Variants in PCDHGA3 observed in about 807,000 individuals in gnomAD.
PCDHGA3 encodes the protein protocadherin gamma subfamily A, 3.
PCDHGA3 carries 40 observed loss-of-function variants against 58.5 expected under a neutral mutation model. The ratio of observed to expected loss-of-function variants is 0.68; its 90% confidence interval spans 0.53 to 0.89. The LOEUF (loss-of-function observed/expected upper bound fraction) is 0.89. Ranked by LOEUF, PCDHGA3 falls within the 40% of genes least tolerant of loss-of-function variation. PCDHGA3 has a pLI of 0.00. For synonymous variants in PCDHGA3, 530 were observed against 525.7 expected, an observed-to-expected ratio of 1.01 and a Z score of -0.11; for missense variants, 1,223 against 1,195.9, an observed-to-expected ratio of 1.02 and a Z score of -0.33.
At chr5:141,351,170 G>T (rs369227522) in intron 1 of PCDHGA3, 11 of 1,614,038 alleles carry the variant, frequency 6.8e-6, no homozygotes, top group Non-Finnish European at 9.3e-6. Flanking sequence ...TGGCACATTG[G>T]ATTTTGAAGA....
At chr5:141,408,280 C>T in intron 1 of PCDHGA3, 1 of 1,612,648 alleles carries the variant, frequency 6.2e-7, no homozygotes, top group Non-Finnish European at 8.5e-7. Flanking sequence ...CTTTGTTCTA[C>T]CCCACCCTGA....
chr5:141,453,784 G>T (rs767312144), intron 1 of PCDHGA3, among the ~76,000 whole-genome samples: 47 of 152,298 alleles, frequency 3.1e-4, no homozygotes, highest in Non-Finnish European at 5.6e-4. Flanking sequence ...AGTTACCATG[G>T]TATATTAACT....
At chr5:141,475,059 G>T (rs2099358742) in intron 1 of PCDHGA3, among the ~76,000 whole-genome samples, 1 of 152,180 alleles carries the variant, frequency 6.6e-6, no homozygotes, top group South Asian at 2.1e-4. Flanking sequence ...AAAGATTTGT[G>T]GAGCTTTGCT....
intron 1 of PCDHGA3, chr5:141,419,582 T>A (rs1474193256): frequency 6.2e-7 from 1 of 1,611,894 alleles, no homozygotes. Context: ...CTCCGCGCTC[T>A]TCGACACAGT....
intron 1 of PCDHGA3, chr5:141,416,406 T>C (rs2096021956): frequency 6.6e-6 from 1 of 152,224 alleles, no homozygotes; most frequent in Non-Finnish European, 1.5e-5. Flanking sequence ...TTGTCTTTTT[T>C]GTTAAATTTT....
Position 141,490,070 on chromosome 5 carries a change from T to C in PCDHGA3, c.2425-4737T>C, listed in dbSNP as rs2099695766. ...CCAGACGAGGGCACCAACGGCCAAC[T>C]AGACTATTCTTTTGGAGACCACACA... On this transcript the variant is annotated intron_variant, in intron 1 of 3. Transcript: ENST00000253812. The surrounding 1 kb of genome is among the most constrained non-coding windows in gnomAD (Gnocchi z 5.4). The C allele has an allele frequency of 6.2e-7, 1 of 1,614,198 alleles. No individual in the cohort carries two copies.
chr5:141,376,111 C>A, intron 1 of PCDHGA3: 1 of 1,613,822 alleles, frequency 6.2e-7, no homozygotes, highest in Non-Finnish European at 8.5e-7. Flanking sequence ...CCGACCTGGG[C>A]AGCCTCGAGC....
chr5:141,490,454 CG>C lies in PCDHGA3; in HGVS notation c.2425-4352del. ...ATTAAGCCTTCTGAGAACCACTACT[CG>C]CTGCTAACCAGCCAGCCTTTGGACC... On this transcript the variant is annotated intron_variant, in intron 1 of 3. Coordinates refer to ENST00000253812, the MANE Select transcript of PCDHGA3 (RefSeq NM_018916.4). This position sits in a 1 kb window ranked among gnomAD's most constrained non-coding sequence, Gnocchi z 5.4. The C allele has an allele frequency of 1.2e-6, 2 of 1,614,176 alleles. No individual in the cohort carries two copies. Among genetic ancestry groups the C allele is most frequent in the Non-Finnish European group, 1.7e-6 (2 of 1,180,020 alleles).
At chr5:141,408,851 G>A in intron 1 of PCDHGA3, 1 of 1,613,574 alleles carries the variant, frequency 6.2e-7, no homozygotes, top group Non-Finnish European at 8.5e-7. Context: ...TGCCTTGGAC[G>A]GAGGGGACCC....
rs1441582051 is a variant in PCDHGA3, at chr5:141,487,416, G to A, written c.2425-7391G>A. 1 of 1,614,088 alleles carries A rather than the reference G, an allele frequency of 6.2e-7. No individual in the cohort carries two copies. Among genetic ancestry groups the A allele is most frequent in the Admixed American group, 1.7e-5 (1 of 60,024 alleles). On this transcript the variant is annotated intron_variant, in intron 1 of 3. Coordinates refer to ENST00000253812, the MANE Select transcript of PCDHGA3 (RefSeq NM_018916.4). The surrounding 1 kb of genome is among the most constrained non-coding windows in gnomAD (Gnocchi z 5.0). ...AGGGAGGGGCTTCCCCCTTCCAATGGGATCCTCCGAATCCAGCTAGGGTCA... is the reference window on the plus strand; with the variant it reads ...AGGGAGGGGCTTCCCCCTTCCAATGAGATCCTCCGAATCCAGCTAGGGTCA...
intron 1 of PCDHGA3, chr5:141,419,330 C>T: frequency 1.2e-6 from 2 of 1,613,956 alleles, no homozygotes; most frequent in South Asian, 1.1e-5. Flanking sequence ...CTCCTACTCT[C>T]TCATTGCCAG....
chr5:141,414,741 A>C, intron 1 of PCDHGA3: 1 of 1,614,158 alleles, frequency 6.2e-7, no homozygotes. Flanking sequence ...ATGCACTCAG[A>C]TCCTTCGACT....
At position 141,450,051 on chromosome 5, in the gene PCDHGA3, G is replaced by C. The variant is rs576363410; in HGVS notation, c.2425-44756G>C. ...AGACAGGGTCTCACTCTTTCGCCCA[G>C]GCTGGAATGCAGTGGTATGATCTTG... On this transcript the variant is annotated intron_variant, in intron 1 of 3. Coordinates refer to ENST00000253812, the MANE Select transcript of PCDHGA3 (RefSeq NM_018916.4). Among the ~76,000 whole-genome samples, 362 of 139,654 alleles carry C rather than the reference G, an allele frequency of 2.6e-3. 1 individual carries two copies. Among genetic ancestry groups the C allele is most frequent in the South Asian group, 5.5e-3 (25 of 4,506 alleles). 91.6% of individuals were successfully genotyped at this position (139,654 alleles called of 152,430 possible). A position where few individuals can be genotyped will look rare whatever the true frequency, so the allele number is the denominator to read the frequency against.
rs1004554278 is a variant in PCDHGA3, at chr5:141,344,748, C to T, written c.715C>T (p.Pro239Ser). Reference sequence around the variant, plus strand: ...GATAGTCCTGGATGCAAATGACAACCCACCAATGTTTACTCAGCCTGAGTA... The same window carrying T: ...GATAGTCCTGGATGCAAATGACAACTCACCAATGTTTACTCAGCCTGAGTA... ...QVIVLDANDN[P>S]PMFTQPEYRV... The change falls in exon 1 of 4, where the codon CCA becomes TCA. Residue 239 changes from proline (P) to serine (S), a missense_variant. Coordinates refer to ENST00000253812, the MANE Select transcript of PCDHGA3 (RefSeq NM_018916.4). The T allele has an allele frequency of 1.2e-6, 2 of 1,613,884 alleles. No individual in the cohort carries two copies. Among genetic ancestry groups the T allele is most frequent in the African/African-American group, 2.7e-5 (2 of 74,912 alleles).
chr5:141,410,710 CAT>C lies in PCDHGA3; in HGVS notation c.2424+64256_2424+64257del, dbSNP rs140431021. 1.9e-3 allele frequency: 2,785 copies of C among 1,444,504 alleles called. 45 individuals are homozygous for C. In the African/African-American group the frequency reaches 0.033, roughly 17 times the overall value. The allele number at this position is 1,444,504 out of a possible 1,614,324, so 89.5% of individuals were successfully genotyped here. On this transcript the variant is annotated intron_variant, in intron 1 of 3. Coordinates refer to ENST00000253812, the MANE Select transcript of PCDHGA3 (RefSeq NM_018916.4). ...ACTACTTTATTTTCATATCTAGAATCATATGTTTAAAATCCATAGCTTTTTAC... is the reference window on the plus strand; with the variant it reads ...ACTACTTTATTTTCATATCTAGAATCATGTTTAAAATCCATAGCTTTTTAC...
intron 1 of PCDHGA3, chr5:141,355,210 C>T (rs766513071): frequency 1.9e-6 from 3 of 1,599,774 alleles, no homozygotes; most frequent in Non-Finnish European, 2.6e-6. Flanking sequence ...AATGGCGGCG[C>T]CTCCTGCTCG....
chr5:141,431,776 C>T lies in PCDHGA3; in HGVS notation c.2425-63031C>T. 6.2e-7 allele frequency: 1 copy of T among 1,614,228 alleles called. No individual in the cohort carries two copies. The stretch of plus-strand genomic sequence containing the variant: ...CCAAAGTCCTGATCACTGTTCTGGA[C>T]GTGAACGACAATGCCCCAGAAGTGG... On this transcript the variant is annotated intron_variant, in intron 1 of 3. Coordinates refer to ENST00000253812, the MANE Select transcript of PCDHGA3 (RefSeq NM_018916.4). The surrounding 1 kb of genome is among the most constrained non-coding windows in gnomAD (Gnocchi z 4.8).
chr5:141,387,136 T>G (rs985189189), intron 1 of PCDHGA3, among the ~76,000 whole-genome samples: 1 of 152,210 alleles, frequency 6.6e-6, no homozygotes, highest in Non-Finnish European at 1.5e-5. Context: ...CTGAAACTAT[T>G]GGGAAGGGGG....
chr5:141,486,559 G>A lies in PCDHGA3; in HGVS notation c.2425-8248G>A. ...CTTTCTTTCAGAGGTCACATGAGGTGTTTGTTCCTGAGAACAATCGCCCAG... is the reference window on the plus strand; with the variant it reads ...CTTTCTTTCAGAGGTCACATGAGGTATTTGTTCCTGAGAACAATCGCCCAG... On this transcript the variant is annotated intron_variant, in intron 1 of 3. Transcript: ENST00000253812. This position sits in a 1 kb window ranked among gnomAD's most constrained non-coding sequence, Gnocchi z 5.0. 6.2e-7 allele frequency: 1 copy of A among 1,614,032 alleles called. No individual in the cohort carries two copies. Among genetic ancestry groups the A allele is most frequent in the Non-Finnish European group, 8.5e-7 (1 of 1,180,022 alleles).
Sources: gnomAD v4.1 joint callset for allele counts (sites outside exome capture counted in the v4.1 genomes callset) on GRCh38, gnomAD v4.1.1 for gene constraint, Gnocchi (gnomAD v3.1) non-coding constraint, MANE v1.5 for transcripts, NCBI Gene and HGNC (gene_info 2026-07-23, HGNC 2026-07-21) for gene names.